Variants in ASCC3 observed in about 807,000 individuals in gnomAD.
ASCC3 encodes the protein activating signal cointegrator 1 complex subunit 3, also known as ASC-1 complex subunit P200.
ASCC3 carries 158 observed loss-of-function variants against 256.3 expected under a neutral mutation model. The observed-to-expected ratio is 0.62, with a 90% CI of 0.54 to 0.70. The LOEUF is 0.70. Among genes scored for constraint, ASCC3 ranks in the 30% least tolerant of loss-of-function variants. The pLI is 0.00. For missense variants in ASCC3, 2,259 were observed against 2,626.0 expected (o/e 0.86, Z 3.05); for synonymous variants, 948 against 883.4 (o/e 1.07, Z -1.30).
intron 3 of ASCC3, among the ~76,000 whole-genome samples, chr6:100,852,427 A>G (rs1772727889): frequency 6.6e-6 from 1 of 152,176 alleles, no homozygotes; most frequent in African/African-American, 2.4e-5. Flanking sequence ...TCTGACACTA[A>G]ATCCAAAATT....
At chr6:100,751,561 TA>T (rs920130035) in intron 10 of ASCC3, among the ~76,000 whole-genome samples, 13 of 146,128 alleles carry the variant, frequency 8.9e-5, no homozygotes, top group African/African-American at 1.8e-4. Context: ...GTACATCCAA[TA>T]AAAAAAAAAC....
intron 33 of ASCC3, among the ~76,000 whole-genome samples, chr6:100,604,273 TA>T (rs1160229438): frequency 6.6e-6 from 1 of 152,110 alleles, no homozygotes; most frequent in Non-Finnish European, 1.5e-5. Context: ...ATATTTAGAC[TA>T]AAAAATTTAT....
chr6:100,554,632 T>C (rs528912724), intron 36 of ASCC3, among the ~76,000 whole-genome samples: 7 of 152,306 alleles, frequency 4.6e-5, no homozygotes, highest in African/African-American at 1.7e-4. Context: ...CCAAAATTAG[T>C]TTCTCACATT....
At chr6:100,852,087 C>T (rs1052287539) in intron 3 of ASCC3, among the ~76,000 whole-genome samples, 1 of 152,296 alleles carries the variant, frequency 6.6e-6, no homozygotes, top group African/African-American at 2.4e-5. Flanking sequence ...ACGAAGGACC[C>T]CAGGTGCTGG....
chr6:100,508,480 G>A lies in ASCC3; in HGVS notation c.*906C>T, dbSNP rs1773606337. On this transcript the variant is annotated 3_prime_UTR_variant, in exon 42 of 42. Transcript: ENST00000369162. ...CATAGAGAAATTTTCTTTATTACAG[G>A]TGAAAACCTATCCATAGGGGTGAAA... is the stretch of plus-strand genomic sequence containing the variant. 1 of 152,046 alleles carries A rather than the reference G, an allele frequency of 6.6e-6. No homozygotes were observed. The highest frequency in any genetic ancestry group is 2.1e-4 in the South Asian group (1 of 4,822). The allele number at this position is 152,046 out of a possible 1,614,324, so 9.4% of individuals were successfully genotyped here. A position where few individuals can be genotyped will look rare whatever the true frequency, so the allele number is the denominator to read the frequency against.
intron 30 of ASCC3, among the ~76,000 whole-genome samples, chr6:100,613,717 C>T (rs966393123): frequency 2.6e-5 from 4 of 151,982 alleles, no homozygotes; most frequent in Non-Finnish European, 4.4e-5. Context: ...CTGGGTGGAA[C>T]GGTAATTCTA....
At chr6:100,609,572 A>G (rs1424448904) in intron 30 of ASCC3, among the ~76,000 whole-genome samples, 1 of 152,168 alleles carries the variant, frequency 6.6e-6, no homozygotes, top group Non-Finnish European at 1.5e-5. Context: ...GGGAAGAAAA[A>G]GCAAATCTTA....
chr6:100,740,657 T>C (rs556019690), intron 10 of ASCC3, among the ~76,000 whole-genome samples: 2 of 152,242 alleles, frequency 1.3e-5, no homozygotes, highest in Admixed American at 6.5e-5. Context: ...GCAATTCTTG[T>C]TGAATTGCAC....
intron 10 of ASCC3, among the ~76,000 whole-genome samples, chr6:100,735,653 T>A (rs971903176): frequency 2.2e-4 from 34 of 152,176 alleles, no homozygotes; most frequent in African/African-American, 8.0e-4. Context: ...CTTGCTTTCA[T>A]AATTCCATCC....
Position 100,771,758 on chromosome 6 carries a change from A to C in ASCC3, c.1396-4413T>G, listed in dbSNP as rs147632826. 2.7e-4 allele frequency among the ~76,000 whole-genome samples: 39 copies of C among 143,114 alleles called. 1 individual carries two copies. In the East Asian group the frequency reaches 7.4e-3, roughly 27 times the overall value. The allele number at this position is 143,114 out of a possible 152,430, so 93.9% of individuals were successfully genotyped here. ...TAAAAAATTGGCAAAATGTTTAATAATTTAATTTTTTTAATTGCAAGTATT... is the reference window on the plus strand; with the variant it reads ...TAAAAAATTGGCAAAATGTTTAATACTTTAATTTTTTTAATTGCAAGTATT... On this transcript the variant is annotated intron_variant, in intron 8 of 41. Coordinates refer to ENST00000369162, the MANE Select transcript of ASCC3 (RefSeq NM_006828.4).
At chr6:100,536,227 T>C (rs1267927134) in intron 37 of ASCC3, among the ~76,000 whole-genome samples, 1 of 152,102 alleles carries the variant, frequency 6.6e-6, no homozygotes, top group Admixed American at 6.6e-5. Context: ...TTAACAATAG[T>C]GTTATACCTT....
rs1317160605 is a variant in ASCC3, at chr6:100,650,542, G to A, written c.3248C>T (p.Ala1083Val). The A allele has an allele frequency of 6.2e-7, 1 of 1,612,326 alleles. No homozygotes were observed. Among genetic ancestry groups the A allele is most frequent in the South Asian group, 1.1e-5 (1 of 91,052 alleles). ...GGAAGGGAATAAGATACTTACCTGTGCAACATATGCAGAATCTGATATAAG... is the reference window on the plus strand; with the variant it reads ...GGAAGGGAATAAGATACTTACCTGTACAACATATGCAGAATCTGATATAAG... ...FSLISDSAYV[A>V]QNAARIVRAL... Residue 1083 changes from alanine (A) to valine (V), a missense_variant, in exon 20 of 42, where the codon GCA becomes GTA. Around this residue, in one of 2 missense-constraint regions of ASCC3, gnomAD observed 1,839 missense variants for 2,206.7 expected, o/e 0.83. Coordinates refer to ENST00000369162, the MANE Select transcript of ASCC3 (RefSeq NM_006828.4).
chr6:100,872,250 A>G (rs1773778774), intron 1 of ASCC3, among the ~76,000 whole-genome samples: 1 of 152,164 alleles, frequency 6.6e-6, no homozygotes, highest in African/African-American at 2.4e-5. Context: ...ACATCACAGT[A>G]ATGTCCTGAA....
chr6:100,676,600 TG>T (rs917773131), intron 14 of ASCC3, among the ~76,000 whole-genome samples: 1 of 152,160 alleles, frequency 6.6e-6, no homozygotes, highest in African/African-American at 2.4e-5. Context: ...GTTTTTCCCT[TG>T]GGGGTGACTT....
intron 4 of ASCC3, among the ~76,000 whole-genome samples, chr6:100,819,314 A>T (rs777987221): frequency 8.9e-4 from 136 of 152,052 alleles, no homozygotes; most frequent in South Asian, 1.7e-3. Context: ...TAAAAGTATT[A>T]AAAAAAATTC....
chr6:100,725,839 A>G (rs1432596423), intron 10 of ASCC3, 136 bp from the exon 11 acceptor site: 29 of 841,042 alleles, frequency 3.4e-5, no homozygotes, highest in Non-Finnish European at 4.4e-5. Flanking sequence ...CTAGAATTAC[A>G]TCTAATTTAC....
rs757271385 is a variant in ASCC3, at chr6:100,715,417, C to A, written c.2151+45G>T. On this transcript the variant is annotated intron_variant, in intron 13 of 41. Transcript: ENST00000369162. ...AATAATTTTTATCATTAAGCACTCT[C>A]TAAAAGCAGATAAATAAGTGTAAAA... 3 of 1,525,770 alleles carry A rather than the reference C, an allele frequency of 2.0e-6. No individual in the cohort carries two copies. In the Admixed American group the frequency reaches 5.1e-5, roughly 26 times the overall value. 94.5% of individuals were successfully genotyped at this position (1,525,770 alleles called of 1,614,324 possible).
At chr6:100,535,685 T>G (rs1220015449) in intron 37 of ASCC3, among the ~76,000 whole-genome samples, 2 of 151,998 alleles carry the variant, frequency 1.3e-5, no homozygotes, top group Non-Finnish European at 2.9e-5. Context: ...GCCAGGCTGG[T>G]CTTGAACTCC....
intron 8 of ASCC3, among the ~76,000 whole-genome samples, chr6:100,794,735 G>A (rs1263906618): frequency 1.3e-5 from 2 of 151,988 alleles, no homozygotes; most frequent in African/African-American, 4.8e-5. Context: ...ATTTTAAAAT[G>A]AAATATTATA....
Sources: gnomAD v4.1 joint callset for allele counts (sites outside exome capture counted in the v4.1 genomes callset) on GRCh38, gnomAD v4.1.1 for gene constraint, gnomAD v4.1.1 regional missense constraint, MANE v1.5 for transcripts, NCBI Gene and HGNC (gene_info 2026-07-23, HGNC 2026-07-21) for gene names.